The following RBFOX1 variants were observed in gnomAD, a reference collection of about 807,000 sequenced individuals.
The protein encoded by RBFOX1 is RNA binding protein fox-1 homolog 1.
In RBFOX1, 8 loss-of-function variants were observed where a neutral mutation model predicts 57.7. The ratio of observed to expected loss-of-function variants is 0.14; its 90% confidence interval spans 0.08 to 0.25. The LOEUF (loss-of-function observed/expected upper bound fraction) is 0.25. Among genes scored for constraint, RBFOX1 ranks in the 10% least tolerant of loss-of-function variants. RBFOX1 has a pLI of 1.00. For synonymous variants in RBFOX1, 326 were observed against 222.4 expected (o/e 1.47, Z -4.15); for missense variants, 611 against 548.5 (o/e 1.11, Z -1.14).
At chr16:7,710,501 G>C in intron 15 of RBFOX1, 122 bp from the exon 16 acceptor site, 3 of 1,567,278 alleles carry the variant, frequency 1.9e-6, no homozygotes, top group Non-Finnish European at 2.6e-6. Flanking sequence ...CCTGGGATGG[G>C]TAGGGGGTGC....
chr16:6,753,584 C>G (rs1381902547), intron 3 of RBFOX1, among the ~76,000 whole-genome samples: 1 of 152,132 alleles, frequency 6.6e-6, no homozygotes, highest in East Asian at 1.9e-4. Context: ...TGTGCAATTT[C>G]ATCTCTTCAT....
chr16:6,083,023 A>G (rs891675443), intron 1 of RBFOX1, among the ~76,000 whole-genome samples: 3 of 119,762 alleles, frequency 2.5e-5, no homozygotes, highest in Admixed American at 1.6e-4. Context: ...TGTTTTTTAG[A>G]TGGAGTCTTG....
chr16:5,628,918 C>G (rs536546268), intron 3 of RBFOX1, among the ~76,000 whole-genome samples: 6 of 152,266 alleles, frequency 3.9e-5, no homozygotes, highest in African/African-American at 9.6e-5. Flanking sequence ...GATCATGTAC[C>G]AGGGAATCTT....
chr16:6,992,293 T>C (rs1240108746), intron 3 of RBFOX1, among the ~76,000 whole-genome samples: 3 of 151,834 alleles, frequency 2.0e-5, no homozygotes, highest in Admixed American at 1.3e-4. Flanking sequence ...TCTCGGCTCA[T>C]TGCAGCCTCT....
At chr16:7,688,475 CAA>C (rs893425472) in intron 14 of RBFOX1, among the ~76,000 whole-genome samples, 13 of 151,944 alleles carry the variant, frequency 8.6e-5, no homozygotes, top group African/African-American at 3.1e-4. Context: ...CTGCCCGCAC[CAA>C]AAGTTTTCTC....
At chr16:7,021,298 C>G (rs1372511508) in intron 3 of RBFOX1, among the ~76,000 whole-genome samples, 2 of 148,114 alleles carry the variant, frequency 1.4e-5, no homozygotes, top group Non-Finnish European at 3.0e-5. Flanking sequence ...TATTTTCTCT[C>G]TCTCTCTATA....
chr16:5,478,258 T>C (rs2069401588), intron 2 of RBFOX1, among the ~76,000 whole-genome samples: 4 of 151,742 alleles, frequency 2.6e-5, no homozygotes, highest in Non-Finnish European at 5.9e-5. Flanking sequence ...CCGGATGATA[T>C]TCACATTGTC....
downstream of RBFOX1, among the ~76,000 whole-genome samples, chr16:5,602,324 G>C (rs888841941): frequency 2.0e-5 from 3 of 152,240 alleles, no homozygotes; most frequent in African/African-American, 7.2e-5. Flanking sequence ...GGAGATGATT[G>C]TACAAGTGTG....
At chr16:6,140,263 C>G (rs2096705415) in intron 1 of RBFOX1, among the ~76,000 whole-genome samples, 1 of 151,216 alleles carries the variant, frequency 6.6e-6, no homozygotes, top group Non-Finnish European at 1.5e-5. Context: ...TCAATCTTGG[C>G]TCACTGCAGC....
At chr16:7,075,684 C>T (rs1164747257) in intron 4 of RBFOX1, among the ~76,000 whole-genome samples, 3 of 152,012 alleles carry the variant, frequency 2.0e-5, no homozygotes, top group Admixed American at 6.5e-5. Flanking sequence ...AGGTTCACAC[C>T]ATTCTCCTGC....
chr16:6,300,842 C>T (rs550712063), intron 1 of RBFOX1, among the ~76,000 whole-genome samples: 2 of 152,282 alleles, frequency 1.3e-5, no homozygotes, highest in East Asian at 3.9e-4. Context: ...TGCTGGGAAT[C>T]TTGTTTTGCT....
chr16:7,363,737 G>T (rs1050702950), intron 4 of RBFOX1, among the ~76,000 whole-genome samples: 2 of 152,122 alleles, frequency 1.3e-5, no homozygotes, highest in South Asian at 2.1e-4. Context: ...TACATTTTAT[G>T]GAGCATTTAA....
chr16:6,808,690 T>A (rs936782448), intron 3 of RBFOX1, among the ~76,000 whole-genome samples: 1 of 152,042 alleles, frequency 6.6e-6, no homozygotes, highest in African/African-American at 2.4e-5. Flanking sequence ...CAGTGAAGAG[T>A]AATGCTTCCT....
chr16:6,095,865 G>A (rs2096239702), intron 1 of RBFOX1, among the ~76,000 whole-genome samples: 1 of 152,190 alleles, frequency 6.6e-6, no homozygotes, highest in Non-Finnish European at 1.5e-5. Context: ...CAGTTAGTGA[G>A]AGAGTTGCCT....
intron 4 of RBFOX1, among the ~76,000 whole-genome samples, chr16:5,903,077 T>A (rs2152186263): frequency 6.6e-6 from 1 of 152,122 alleles, no homozygotes; most frequent in African/African-American, 2.4e-5. Flanking sequence ...GACTTACTGT[T>A]TGTATTAGAT....
intron 4 of RBFOX1, among the ~76,000 whole-genome samples, chr16:7,354,145 A>G (rs1445543623): frequency 6.6e-6 from 1 of 151,798 alleles, no homozygotes; most frequent in Non-Finnish European, 1.5e-5. Context: ...TAATTTTTGT[A>G]GTTTTAGTAG....
At position 5,824,728 on chromosome 16, in the gene RBFOX1, T is replaced by A. The variant is rs184606619; in HGVS notation, c.319-42575T>A. 4.6e-5 allele frequency among the ~76,000 whole-genome samples: 7 copies of A among 152,368 alleles called. No homozygotes were observed. The East Asian group carries it at 1.3e-3, about 29-fold the overall frequency. ...GCCTCTCTCTTCCCACGCTGCAGGC[T>A]CAGACGTTGCTTTCTACATTATAAC... On this transcript the variant is annotated intron_variant, in intron 3 of 19. Transcript: ENST00000641259.
intron 12 of RBFOX1, among the ~76,000 whole-genome samples, chr16:7,663,504 C>CAT (rs3223535): frequency 6.7e-6 from 1 of 148,848 alleles, no homozygotes; most frequent in South Asian, 2.1e-4. Context: ...GTCAGTACAG[C>CAT]GTGTGTGTGT....
At chr16:6,894,601 G>A (rs966450228) in intron 3 of RBFOX1, among the ~76,000 whole-genome samples, 1 of 152,148 alleles carries the variant, frequency 6.6e-6, no homozygotes, top group Non-Finnish European at 1.5e-5. Context: ...GGGGTTCTCA[G>A]TGCAATTTCG....
Sources: allele counts gnomAD v4.1 joint callset (sites outside exome capture counted in the v4.1 genomes callset), GRCh38; gene constraint gnomAD v4.1.1; transcripts MANE v1.5; gene names NCBI Gene and HGNC (gene_info 2026-07-23, HGNC 2026-07-21).